Variants in EVA1A observed in about 807,000 individuals in gnomAD.
EVA1A encodes eva-1 homolog A, regulator of programmed cell death, also known as protein eva-1 homolog A.
Under a neutral mutation model 9.8 loss-of-function variants are expected in EVA1A, and 7 were observed. The observed-to-expected ratio is 0.71, with a 90% confidence interval of 0.41 to 1.34. The LOEUF is 1.34. Ranked by LOEUF, EVA1A falls within the 40% of genes most tolerant of loss-of-function variation. The pLI, the probability that EVA1A is intolerant of heterozygous loss-of-function variation, is 0.01. For missense variants in EVA1A, 206 were observed against 205.9 expected, an observed-to-expected ratio of 1.00 and a Z score of 0.00; for synonymous variants, 90 against 85.6, an observed-to-expected ratio of 1.05 and a Z score of -0.28.
intron 1 of EVA1A, among the ~76,000 whole-genome samples, chr2:75,528,848 C>A (rs1265484892): frequency 6.6e-6 from 1 of 152,166 alleles, no homozygotes; most frequent in Non-Finnish European, 1.5e-5. Flanking sequence ...GGAGGGCAAC[C>A]AACTCAAGCC....
chr2:75,559,482 G>C (rs1376316436), intron 1 of EVA1A, among the ~76,000 whole-genome samples: 1 of 152,188 alleles, frequency 6.6e-6, no homozygotes, highest in Non-Finnish European at 1.5e-5. Context: ...TTTATGGAAA[G>C]GAGATTCAAG....
At chr2:75,517,099 T>C (rs1274673055) in intron 3 of EVA1A, among the ~76,000 whole-genome samples, 1 of 151,926 alleles carries the variant, frequency 6.6e-6, no homozygotes, top group African/African-American at 2.4e-5. Context: ...AGGTTGCGCG[T>C]CATCCAAGAT....
At chr2:75,505,698 CA>C (rs941399981) in intron 3 of EVA1A, among the ~76,000 whole-genome samples, 2 of 151,898 alleles carry the variant, frequency 1.3e-5, no homozygotes, top group African/African-American at 4.8e-5. Flanking sequence ...TCTGTAATCC[CA>C]GCTACTCGGG....
upstream of EVA1A, among the ~76,000 whole-genome samples, chr2:75,564,148 C>T (rs1017706694): frequency 2.6e-5 from 4 of 152,196 alleles, no homozygotes; most frequent in Non-Finnish European, 4.4e-5. Context: ...AGCTCCCTAT[C>T]CTGGTCTCAT....
Position 75,493,187 on chromosome 2 carries a change from G to A in EVA1A, c.*49C>T. 2.6e-6 allele frequency: 4 copies of A among 1,559,742 alleles called. No individual in the cohort carries two copies. Among genetic ancestry groups the A allele is most frequent in the Non-Finnish European group, 3.5e-6 (4 of 1,153,328 alleles). On this transcript the variant is annotated 3_prime_UTR_variant, in exon 4 of 4. Coordinates refer to ENST00000393913, the MANE Select transcript of EVA1A (RefSeq NM_001135032.2). The stretch of plus-strand genomic sequence containing the variant: ...CCTTGTGCCCACTGTCCCTGCAGAC[G>A]CTCTCCTTTCCAGGCGGCCTCCAGT...
intron 1 of EVA1A, among the ~76,000 whole-genome samples, chr2:75,566,532 G>A (rs927011077): frequency 7.2e-5 from 11 of 152,182 alleles, no homozygotes; most frequent in Non-Finnish European, 1.6e-4. Context: ...CTTTTTAAAT[G>A]TAATGTGCCC....
At chr2:75,514,216 C>T (rs1322811343) in intron 3 of EVA1A, among the ~76,000 whole-genome samples, 1 of 152,068 alleles carries the variant, frequency 6.6e-6, no homozygotes, top group African/African-American at 2.4e-5. Context: ...CAAAATGAAT[C>T]GACCCAAACC....
chr2:75,548,785 T>C (rs1676418099), intron 1 of EVA1A, among the ~76,000 whole-genome samples: 1 of 151,982 alleles, frequency 6.6e-6, no homozygotes, highest in African/African-American at 2.4e-5. Flanking sequence ...TTGTCCAGGA[T>C]AGCAGTTACC....
At chr2:75,519,850 G>A (rs1442509105) in intron 2 of EVA1A, among the ~76,000 whole-genome samples, 1 of 152,136 alleles carries the variant, frequency 6.6e-6, no homozygotes, top group Admixed American at 6.5e-5. Context: ...CAGATTGCAA[G>A]TCTTATCATT....
chr2:75,546,285 C>A (rs1359039361), intron 1 of EVA1A, among the ~76,000 whole-genome samples: 3 of 152,092 alleles, frequency 2.0e-5, no homozygotes, highest in South Asian at 2.1e-4. Context: ...TTTTTTTCAT[C>A]TTTTCACCTT....
rs6741778 is a variant in EVA1A, at chr2:75,493,538, G to A, written c.157C>T (p.Leu53=). 0.2 allele frequency: 323,725 copies of A among 1,613,836 alleles called. 36,079 individuals carry two copies. Among genetic ancestry groups the A allele is most frequent in the African/African-American group, 0.42 (31,267 of 74,928 alleles). ...CIGLVLTLAA[L]VIRISCHTDC... ...GTGTGGCAAGAGATCCTTATCACCA[G>A]AGCAGCCAGGGTCAGCACCAGCCCG... The change falls in exon 4 of 4, where the codon CTG becomes TTG. Residue 53 remains leucine (L), a synonymous_variant. Transcript: ENST00000393913.
chr2:75,538,688 A>G (rs1676004656), intron 1 of EVA1A, among the ~76,000 whole-genome samples: 1 of 152,230 alleles, frequency 6.6e-6, no homozygotes, highest in African/African-American at 2.4e-5. Context: ...TTGATACACA[A>G]GGCAACCTGG....
At chr2:75,505,550 T>C (rs564871321) in intron 3 of EVA1A, among the ~76,000 whole-genome samples, 1 of 152,284 alleles carries the variant, frequency 6.6e-6, no homozygotes, top group African/African-American at 2.4e-5. Flanking sequence ...CAGTATAACA[T>C]TAAAAGAGTA....
intron 1 of EVA1A, among the ~76,000 whole-genome samples, chr2:75,527,509 C>T (rs1675492454): frequency 6.6e-6 from 1 of 152,144 alleles, no homozygotes; most frequent in Non-Finnish European, 1.5e-5. Context: ...CTGTGGAGAC[C>T]ACATGGGATC....
At chr2:75,523,642 C>T (rs1675309413) in intron 1 of EVA1A, among the ~76,000 whole-genome samples, 1 of 152,206 alleles carries the variant, frequency 6.6e-6, no homozygotes, top group African/African-American at 2.4e-5. Flanking sequence ...CACAGTGAAT[C>T]ATTTCCAGAG....
At chr2:75,530,800 T>G (rs1474416903) in intron 1 of EVA1A, among the ~76,000 whole-genome samples, 1 of 152,206 alleles carries the variant, frequency 6.6e-6, no homozygotes, top group Non-Finnish European at 1.5e-5. Context: ...AACATTATAC[T>G]GAATGTGGAA....
At chr2:75,526,714 G>A (rs1393729830) in intron 1 of EVA1A, among the ~76,000 whole-genome samples, 4 of 152,254 alleles carry the variant, frequency 2.6e-5, no homozygotes, top group African/African-American at 4.8e-5. Context: ...CAAAGGGATA[G>A]GCAGAGAAAT....
intron 1 of EVA1A, among the ~76,000 whole-genome samples, chr2:75,551,581 C>T (rs929083884): frequency 1.3e-5 from 2 of 152,278 alleles, no homozygotes; most frequent in South Asian, 2.1e-4. Flanking sequence ...CTGCCACTCT[C>T]GGAAGCAATC....
At chr2:75,505,745 C>T (rs868072399) in intron 3 of EVA1A, among the ~76,000 whole-genome samples, 1 of 151,736 alleles carries the variant, frequency 6.6e-6, no homozygotes, top group Non-Finnish European at 1.5e-5. Flanking sequence ...ACCTGGAAGG[C>T]AGAGGTTGCA....
Sources: gnomAD v4.1 joint callset for allele counts (sites outside exome capture counted in the v4.1 genomes callset) on GRCh38, gnomAD v4.1.1 for gene constraint, MANE v1.5 for transcripts, NCBI Gene and HGNC (gene_info 2026-07-23, HGNC 2026-07-21) for gene names.